VPS13D: variants seen among roughly 807,000 people sequenced by gnomAD.
VPS13D encodes the protein vacuolar protein sorting 13 homolog D, also known as intermembrane lipid transfer protein VPS13D.
A neutral mutation model predicts 461.9 loss-of-function variants in VPS13D; 187 were observed. The ratio of observed to expected loss-of-function variants is 0.40; its 90% CI spans 0.36 to 0.46. The LOEUF is 0.46. Among genes scored for constraint, VPS13D ranks in the 20% least tolerant of loss-of-function variants. The pLI, the probability that VPS13D is intolerant of heterozygous loss-of-function variation, is 0.60. For synonymous variants in VPS13D, 1,951 were observed against 1,986.3 expected, an observed-to-expected ratio of 0.98 and a Z score of 0.47; for missense variants, 4,711 against 5,364.9, an observed-to-expected ratio of 0.88 and a Z score of 3.81.
chr1:12,358,587 TG>T lies in VPS13D; in HGVS notation c.10128del (p.Ile3377SerfsTer29). 6.2e-7 allele frequency: 1 copy of T among 1,614,090 alleles called. No homozygotes were observed. The highest frequency in any genetic ancestry group is 8.5e-7 in the Non-Finnish European group (1 of 1,179,980). On this transcript the variant is annotated frameshift_variant, in exon 50 of 70. Coordinates refer to ENST00000620676, the MANE Select transcript of VPS13D (RefSeq NM_015378.4). LOFTEE classifies it high-confidence loss of function. Reference protein sequence around the residue: ...KVIQQGNRPGLIYNIGIDVKK... With the variant: ...KVIQQGNRPGXIYNIGIDVKK... ...ATCCAGCAAGGAAACCGCCCAGGGC[TG>T]ATCTATAACATTGGTGGGTTACATT... is the stretch of plus-strand genomic sequence containing the variant.
intron 59 of VPS13D, 43 bp downstream of exon 59, chr1:12,385,416 T>G (rs1282849345): frequency 6.6e-7 from 1 of 1,511,904 alleles, no homozygotes; most frequent in African/African-American, 1.4e-5. Context: ...GATCATCAGT[T>G]TTTTAGAATT....
At chr1:12,356,132 A>G (rs1417009633) in intron 48 of VPS13D, 42 bp downstream of exon 48, 2 of 1,553,144 alleles carry the variant, frequency 1.3e-6, no homozygotes, top group Non-Finnish European at 1.7e-6. Flanking sequence ...GGCGTTAGTC[A>G]TGGGAATTCA....
intron 68 of VPS13D, chr1:12,499,654 G>A (rs756424130): frequency 1.4e-4 from 137 of 985,272 alleles, no homozygotes; most frequent in Non-Finnish European, 1.6e-4. Context: ...AATGAATTTT[G>A]ACTTTAAAGA....
At chr1:12,316,604 T>C (rs1427687572) in intron 30 of VPS13D, among the ~76,000 whole-genome samples, 2 of 152,158 alleles carry the variant, frequency 1.3e-5, no homozygotes, top group Non-Finnish European at 2.9e-5. Flanking sequence ...GAAGGAGCCA[T>C]GCATCATGCT....
intron 67 of VPS13D, 31 bp downstream of exon 67, chr1:12,460,427 G>A (rs1264515472): frequency 1.3e-6 from 2 of 1,527,488 alleles, no homozygotes; most frequent in East Asian, 2.4e-5. Flanking sequence ...GGCTTTTGCA[G>A]TTTCCAGCCT....
At chr1:12,265,067 TG>T (rs1386743025) in intron 13 of VPS13D, among the ~76,000 whole-genome samples, 1 of 152,178 alleles carries the variant, frequency 6.6e-6, no homozygotes, top group African/African-American at 2.4e-5. Flanking sequence ...CCAGTACATC[TG>T]TTTACAGCAT....
rs775457433 is a variant in VPS13D at position 12,293,612 on chromosome 1, C to T, written c.5941C>T (p.Arg1981Cys). The T allele has an allele frequency of 1.7e-5, 27 of 1,614,044 alleles. No homozygotes were observed. Among genetic ancestry groups the T allele is most frequent in the South Asian group, 2.2e-5 (2 of 91,084 alleles). The change falls in exon 24 of 70, where the codon CGT becomes TGT. Residue 1981 changes from arginine (R) to cysteine (C), a missense_variant. Physicochemically the swap from Arg to Cys is radical, Grantham distance 180 (BLOSUM62 -3). Coordinates refer to ENST00000620676, the MANE Select transcript of VPS13D (RefSeq NM_015378.4). ...MASVQYVHTQ[R>C]FQAEVVAFIQ... ...CTCTGTGCAGTATGTGCATACTCAG[C>T]GTTTCCAGGCAGAGGTGGTGGCCTT...
Position 12,276,259 on chromosome 1 carries a change from A to C in VPS13D, c.2671A>C (p.Ile891Leu), listed in dbSNP as rs1299640123. The change falls in exon 19 of 70, where the codon ATA becomes CTA. Residue 891 changes from isoleucine to leucine, a missense_variant. By Grantham distance (5) the Ile-to-Leu change is conservative. Coordinates refer to ENST00000620676, the MANE Select transcript of VPS13D (RefSeq NM_015378.4). This position sits in a 1 kb window ranked among gnomAD's most constrained non-coding sequence, Gnocchi z 4.5. ...AAAAATCCACATTAATGAAGATAAAATATCTGCACTAAAGAATTGCTTTGC... is the reference window on the plus strand; with the variant it reads ...AAAAATCCACATTAATGAAGATAAACTATCTGCACTAAAGAATTGCTTTGC... ...DLKIHINEDK[I>L]SALKNCFALL... 6.2e-7 allele frequency: 1 copy of C among 1,614,104 alleles called. No individual in the cohort carries two copies. The highest frequency in any genetic ancestry group is 2.2e-5 in the East Asian group (1 of 44,872).
chr1:12,368,167 G>A (rs902890545), intron 52 of VPS13D, among the ~76,000 whole-genome samples: 4 of 152,014 alleles, frequency 2.6e-5, no homozygotes, highest in African/African-American at 9.7e-5. Flanking sequence ...CGATTTTTCT[G>A]TATATATACA....
At chr1:12,329,988 A>G in intron 37 of VPS13D, 70 bp downstream of exon 37, 1 of 1,137,252 alleles carries the variant, frequency 8.8e-7, no homozygotes. Context: ...ACCTATTGCT[A>G]CGTAAATTTT....
chr1:12,300,834 C>T (rs1203806008), intron 25 of VPS13D, among the ~76,000 whole-genome samples: 1 of 152,110 alleles, frequency 6.6e-6, no homozygotes, highest in Non-Finnish European at 1.5e-5. Flanking sequence ...TTTCTGGAAC[C>T]AGAAATGAGG....
At chr1:12,450,861 C>T (rs1428917340) in intron 65 of VPS13D, among the ~76,000 whole-genome samples, 4 of 152,222 alleles carry the variant, frequency 2.6e-5, no homozygotes, top group Admixed American at 6.5e-5. Context: ...CGGAGTCCTG[C>T]CACTTCTCTC....
chr1:12,413,181 G>T (rs1644751090), intron 63 of VPS13D, among the ~76,000 whole-genome samples: 1 of 151,804 alleles, frequency 6.6e-6, no homozygotes, highest in South Asian at 2.1e-4. Context: ...TTGTTTGTTT[G>T]TTTGTTTTTG....
chr1:12,259,217 T>C (rs1641022508), intron 10 of VPS13D, among the ~76,000 whole-genome samples: 1 of 152,004 alleles, frequency 6.6e-6, no homozygotes, highest in Non-Finnish European at 1.5e-5. Flanking sequence ...TTTTTAATTT[T>C]TATGGAGATG....
chr1:12,289,589 C>T (rs558237482), intron 22 of VPS13D, among the ~76,000 whole-genome samples: 36 of 148,534 alleles, frequency 2.4e-4, no homozygotes, highest in African/African-American at 8.2e-4. Context: ...CTTCTTACAG[C>T]GTATTCCTGT....
chr1:12,440,008 G>A (rs1263954618), intron 65 of VPS13D, among the ~76,000 whole-genome samples: 1 of 152,138 alleles, frequency 6.6e-6, no homozygotes, highest in Non-Finnish European at 1.5e-5. Context: ...CACATTTGTA[G>A]TGATATGAAC....
intron 60 of VPS13D, among the ~76,000 whole-genome samples, chr1:12,391,972 C>G (rs909141044): frequency 6.6e-6 from 1 of 151,936 alleles, no homozygotes; most frequent in Admixed American, 6.6e-5. Context: ...GTGATCCTCC[C>G]ACGTCAGCCT....
intron 63 of VPS13D, among the ~76,000 whole-genome samples, chr1:12,406,988 G>A (rs935787868): frequency 4.6e-5 from 7 of 152,138 alleles, no homozygotes; most frequent in Non-Finnish European, 8.8e-5. Flanking sequence ...TATTTAAAAA[G>A]CCTAAAACTG....
chr1:12,296,339 A>G (rs973964120), intron 24 of VPS13D, among the ~76,000 whole-genome samples: 7 of 152,330 alleles, frequency 4.6e-5, no homozygotes, highest in African/African-American at 1.7e-4. Context: ...TTATTGTCAG[A>G]CTTTTTATTT....
Sources: allele counts gnomAD v4.1 joint callset (sites outside exome capture counted in the v4.1 genomes callset), GRCh38; gene constraint gnomAD v4.1.1; non-coding constraint Gnocchi (gnomAD v3.1); transcripts MANE v1.5; gene names NCBI Gene and HGNC (gene_info 2026-07-23, HGNC 2026-07-21).